BACH2: variants seen among roughly 807,000 people sequenced by gnomAD.
BACH2 encodes the protein BACH transcriptional regulator 2.
A neutral mutation model predicts 61.8 loss-of-function variants in BACH2; 5 were observed. That is an observed-to-expected ratio of 0.08 (90% confidence interval 0.04 to 0.17). The LOEUF (loss-of-function observed/expected upper bound fraction) is 0.17, where lower values mean the gene tolerates loss of function less well. Among genes scored for constraint, BACH2 ranks in the 10% least tolerant of loss-of-function variants. The pLI is 1.00. For missense variants in BACH2, 824 were observed against 1,091.1 expected (o/e 0.76, Z 3.45); for synonymous variants, 446 against 440.1 (o/e 1.01, Z -0.17).
intron 8 of BACH2, among the ~76,000 whole-genome samples, chr6:89,936,531 T>G (rs949308079): frequency 6.6e-6 from 1 of 152,212 alleles, no homozygotes; most frequent in African/African-American, 2.4e-5. Flanking sequence ...AGTGCAGAGT[T>G]TGATTTTATC....
chr6:89,972,194 G>T (rs1775400066), intron 6 of BACH2, among the ~76,000 whole-genome samples: 1 of 152,162 alleles, frequency 6.6e-6, no homozygotes, highest in African/African-American at 2.4e-5. Flanking sequence ...CCGCCGCCGA[G>T]GCTGGCCCAG....
At chr6:89,947,803 C>A (rs1773834844) in intron 7 of BACH2, among the ~76,000 whole-genome samples, 1 of 152,038 alleles carries the variant, frequency 6.6e-6, no homozygotes. Flanking sequence ...GATCTCCCGA[C>A]CTTGTGATTC....
intron 3 of BACH2, among the ~76,000 whole-genome samples, chr6:90,237,651 G>A (rs1770304178): frequency 6.6e-6 from 1 of 152,162 alleles, no homozygotes; most frequent in Admixed American, 6.5e-5. Flanking sequence ...AAAATGCAAT[G>A]GAATCTCTTC....
At position 89,927,159 on chromosome 6, in the gene BACH2, G is replaced by C. The variant is rs901537533; in HGVS notation, c.*5249C>G. On this transcript the variant is annotated 3_prime_UTR_variant, in exon 9 of 9. Transcript: ENST00000257749. ...GGCTCTCTTGGCCTCACTAGCAAAG[G>C]TGGTGCTTGCCTTGAATGGCTCACT... is the stretch of plus-strand genomic sequence containing the variant. 1.3e-5 allele frequency: 2 copies of C among 152,824 alleles called. No individual in the cohort carries two copies. Among genetic ancestry groups the C allele is most frequent in the African/African-American group, 2.4e-5 (1 of 41,462 alleles). The allele number at this position is 152,824 out of a possible 1,614,324, so 9.5% of individuals were successfully genotyped here.
intron 1 of BACH2, among the ~76,000 whole-genome samples, chr6:90,291,550 C>CAA (rs61475226): frequency 2.8e-4 from 22 of 78,578 alleles, no homozygotes; most frequent in South Asian, 6.7e-4. Flanking sequence ...CCTGAACTGA[C>CAA]AAAAAAAAAG....
At chr6:90,228,642 G>C (rs1039463498) in intron 3 of BACH2, among the ~76,000 whole-genome samples, 1 of 152,208 alleles carries the variant, frequency 6.6e-6, no homozygotes, top group African/African-American at 2.4e-5. Context: ...TGGAGGCTGA[G>C]GCAGGAGAAT....
At chr6:90,054,328 G>A (rs949235824) in intron 5 of BACH2, among the ~76,000 whole-genome samples, 5 of 152,224 alleles carry the variant, frequency 3.3e-5, no homozygotes, top group African/African-American at 4.8e-5. Context: ...TATCCCGCAC[G>A]TGGCTCAGAG....
At position 90,261,697 on chromosome 6, in the gene BACH2, A is replaced by C. The variant is rs573030638; in HGVS notation, c.-352-9107T>G. Among the ~76,000 whole-genome samples, 6 of 152,090 alleles carry C rather than the reference A, an allele frequency of 3.9e-5. No homozygotes were observed. In the South Asian group the frequency reaches 1.2e-3, roughly 32 times the overall value. On this transcript the variant is annotated intron_variant, in intron 2 of 8. Coordinates refer to ENST00000257749, the MANE Select transcript of BACH2 (RefSeq NM_021813.4). Reference sequence around the variant, plus strand: ...TTATTTGCTTCCTCCTTAAAAGTCCACTTCCTAGGGCTTATATCATTGGTT... The same window carrying C: ...TTATTTGCTTCCTCCTTAAAAGTCCCCTTCCTAGGGCTTATATCATTGGTT...
At chr6:90,164,148 A>T (rs990730494) in intron 4 of BACH2, among the ~76,000 whole-genome samples, 2 of 152,220 alleles carry the variant, frequency 1.3e-5, no homozygotes, top group Non-Finnish European at 2.9e-5. Context: ...AAAGATCAAC[A>T]ACATTGATAG....
At chr6:90,158,732 C>T (rs866487744) in intron 4 of BACH2, among the ~76,000 whole-genome samples, 16 of 141,850 alleles carry the variant, frequency 1.1e-4, no homozygotes, top group African/African-American at 4.4e-4. Flanking sequence ...ATGGAGATGG[C>T]AGAACTCAGT....
chr6:89,932,877 T>C lies in BACH2; in HGVS notation c.2057A>G (p.Glu686Gly). Residue 686 changes from glutamate to glycine, a missense_variant, in exon 9 of 9, where the codon GAG (glutamate) becomes GGG (glycine). Around this residue, in one of 8 missense-constraint regions of BACH2, gnomAD observed 160 missense variants for 283.5 expected, o/e 0.56. Transcript: ENST00000257749. ...CEIRKLVCEK[E>G]KLLSERNQLK... ...TTGATTCCTCTCTGACAACAGTTTC[T>C]CTTTCTCACACACCTGGACAGTAGA... 6.3e-7 allele frequency: 1 copy of C among 1,594,608 alleles called. No homozygotes were observed. Among genetic ancestry groups the C allele is most frequent in the East Asian group, 2.3e-5 (1 of 44,436 alleles).
At chr6:90,066,910 C>A (rs773523948) in intron 5 of BACH2, among the ~76,000 whole-genome samples, 3 of 152,206 alleles carry the variant, frequency 2.0e-5, no homozygotes, top group Non-Finnish European at 2.9e-5. Flanking sequence ...CGATGTTGGA[C>A]AGACCATGAA....
At chr6:90,146,425 T>C (rs1562473079) in intron 4 of BACH2, among the ~76,000 whole-genome samples, 2 of 152,248 alleles carry the variant, frequency 1.3e-5, no homozygotes, top group Non-Finnish European at 2.9e-5. Flanking sequence ...AGGACCAAAG[T>C]TGATTATTCT....
rs374981850 is a variant in BACH2 at position 90,188,352 on chromosome 6, T to C, written c.-162+18217A>G. Among the ~76,000 whole-genome samples the C allele has an allele frequency of 4.5e-4, 69 of 152,318 alleles. 2 individuals are homozygous for C. The South Asian group carries it at 0.014, about 31-fold the overall frequency. On this transcript the variant is annotated intron_variant, in intron 4 of 8. Transcript: ENST00000257749. The stretch of plus-strand genomic sequence containing the variant: ...GGTTAACTTATGGGAATTTTATACA[T>C]AGCTAACTTCAGTCATTTTTCTGTT...
At chr6:90,091,727 T>G (rs1782167495) in intron 4 of BACH2, among the ~76,000 whole-genome samples, 1 of 152,158 alleles carries the variant, frequency 6.6e-6, no homozygotes, top group Non-Finnish European at 1.5e-5. Context: ...GGTTATGGTT[T>G]GAGGAGTGGG....
chr6:90,006,098 T>C (rs1582180819), intron 6 of BACH2, among the ~76,000 whole-genome samples: 1 of 152,260 alleles, frequency 6.6e-6, no homozygotes, highest in African/African-American at 2.4e-5. Context: ...TTATGTCATA[T>C]ACATTTGTAT....
chr6:89,941,614 T>C (rs1025847378), intron 7 of BACH2, among the ~76,000 whole-genome samples: 3 of 152,202 alleles, frequency 2.0e-5, no homozygotes, highest in South Asian at 2.1e-4. Context: ...TTCCCTCTTA[T>C]ACCCGTTGGA....
intron 4 of BACH2, among the ~76,000 whole-genome samples, chr6:90,203,931 G>A (rs899146751): frequency 6.6e-6 from 1 of 152,148 alleles, no homozygotes; most frequent in African/African-American, 2.4e-5. Flanking sequence ...CTACCTGATG[G>A]ACAGCAACTC....
chr6:90,037,357 C>A (rs1249567067), intron 5 of BACH2, among the ~76,000 whole-genome samples: 1 of 152,216 alleles, frequency 6.6e-6, no homozygotes, highest in Non-Finnish European at 1.5e-5. Flanking sequence ...ACATGCCAAG[C>A]CTGTAACCTA....
Sources: gnomAD v4.1 joint callset for allele counts (sites outside exome capture counted in the v4.1 genomes callset) on GRCh38, gnomAD v4.1.1 for gene constraint, gnomAD v4.1.1 regional missense constraint, MANE v1.5 for transcripts, NCBI Gene and HGNC (gene_info 2026-07-23, HGNC 2026-07-21) for gene names.